PPP1R9A: variants seen among roughly 807,000 people sequenced by gnomAD.
The protein encoded by PPP1R9A is neurabin-1.
Under a neutral mutation model 141.9 loss-of-function variants are expected in PPP1R9A, and 59 were observed. The observed-to-expected ratio is 0.42, with a 90% CI of 0.34 to 0.52. PPP1R9A has a LOEUF of 0.52. Ranked by LOEUF, PPP1R9A falls within the 20% of genes least tolerant of loss-of-function variation. PPP1R9A has a pLI of 0.10. For missense variants in PPP1R9A, 1,444 were observed against 1,611.9 expected, an observed-to-expected ratio of 0.90 and a Z score of 1.78; for synonymous variants, 500 against 569.7, an observed-to-expected ratio of 0.88 and a Z score of 1.74.
chr7:95,209,073 T>C (rs1791531709), intron 7 of PPP1R9A, among the ~76,000 whole-genome samples: 2 of 151,674 alleles, frequency 1.3e-5, no homozygotes, highest in Non-Finnish European at 2.9e-5. Context: ...AAATGAGTGG[T>C]TCTGTTCCTT....
At chr7:95,101,767 A>G (rs1818826712) in intron 2 of PPP1R9A, among the ~76,000 whole-genome samples, 2 of 152,226 alleles carry the variant, frequency 1.3e-5, no homozygotes, top group Admixed American at 6.5e-5. Flanking sequence ...CTTACTATTT[A>G]TATGAACAAA....
intron 2 of PPP1R9A, among the ~76,000 whole-genome samples, chr7:95,082,916 C>G (rs1011835645): frequency 6.6e-6 from 1 of 151,364 alleles, no homozygotes; most frequent in Non-Finnish European, 1.5e-5. Context: ...CCACCACGCC[C>G]GGCTAATTTT....
At chr7:95,226,244 A>G in intron 8 of PPP1R9A, 128 bp downstream of exon 8, 4 of 923,650 alleles carry the variant, frequency 4.3e-6, no homozygotes, top group Non-Finnish European at 3.0e-6. Context: ...GGTTGTCTTG[A>G]GTCTCATTGA....
At chr7:95,228,553 T>C (rs559771588) in intron 8 of PPP1R9A, among the ~76,000 whole-genome samples, 3 of 152,320 alleles carry the variant, frequency 2.0e-5, no homozygotes, top group Admixed American at 2.0e-4. Context: ...CTGCTCCATC[T>C]TCTCATTTTT....
At chr7:95,005,462 T>C (rs2151561420) in intron 2 of PPP1R9A, among the ~76,000 whole-genome samples, 1 of 152,304 alleles carries the variant, frequency 6.6e-6, no homozygotes, top group East Asian at 1.9e-4. Flanking sequence ...TTTCAAGGCA[T>C]ATAATCACAG....
At position 95,072,136 on chromosome 7, in the gene PPP1R9A, T is replaced by A. The variant is rs148165621; in HGVS notation, c.1396-39123T>A. Reference sequence around the variant, plus strand: ...TATTCATGTTAAATCCATAATATATTAACCAAACTTCTCTTTTGTTACTTA... The same window carrying A: ...TATTCATGTTAAATCCATAATATATAAACCAAACTTCTCTTTTGTTACTTA... On this transcript the variant is annotated intron_variant, in intron 2 of 19. Coordinates refer to ENST00000433360, the MANE Select transcript of PPP1R9A (RefSeq NM_001166160.2). Among the ~76,000 whole-genome samples, 817 of 150,752 alleles carry A rather than the reference T, an allele frequency of 5.4e-3. 7 individuals carry two copies. Among genetic ancestry groups the A allele is most frequent in the African/African-American group, 0.019 (764 of 41,268 alleles).
intron 2 of PPP1R9A, among the ~76,000 whole-genome samples, chr7:95,069,759 T>C (rs1490636912): frequency 6.6e-6 from 1 of 152,100 alleles, no homozygotes; most frequent in African/African-American, 2.4e-5. Context: ...GTTTTTCTTT[T>C]TCATGAGAAT....
chr7:95,216,660 T>G (rs895375952), intron 7 of PPP1R9A, among the ~76,000 whole-genome samples: 1 of 152,170 alleles, frequency 6.6e-6, no homozygotes, highest in Non-Finnish European at 1.5e-5. Context: ...GGTTTGTAGT[T>G]CTCCTTGGGG....
chr7:95,079,304 T>G (rs1160116430), intron 2 of PPP1R9A, among the ~76,000 whole-genome samples: 1 of 152,182 alleles, frequency 6.6e-6, no homozygotes, highest in Admixed American at 6.5e-5. Flanking sequence ...ATATGCGGCA[T>G]TATTTCTGAG....
At chr7:94,943,437 G>C (rs914774505) in intron 2 of PPP1R9A, among the ~76,000 whole-genome samples, 4 of 152,166 alleles carry the variant, frequency 2.6e-5, no homozygotes, top group African/African-American at 9.7e-5. Flanking sequence ...CTGTAGAAAT[G>C]TTTATCAGTG....
chr7:95,074,209 C>A (rs923613212), intron 2 of PPP1R9A, among the ~76,000 whole-genome samples: 1 of 152,058 alleles, frequency 6.6e-6, no homozygotes, highest in Non-Finnish European at 1.5e-5. Context: ...AAAATAGAGT[C>A]ATTGTATTTA....
intron 2 of PPP1R9A, among the ~76,000 whole-genome samples, chr7:94,923,470 G>A (rs1793095150): frequency 6.6e-6 from 1 of 152,088 alleles, no homozygotes; most frequent in African/African-American, 2.4e-5. Context: ...TCATTATCTT[G>A]CTTATATATA....
intron 2 of PPP1R9A, among the ~76,000 whole-genome samples, chr7:95,093,733 C>G (rs932775622): frequency 6.6e-6 from 1 of 152,004 alleles, no homozygotes; most frequent in African/African-American, 2.4e-5. Flanking sequence ...ATACTTGATT[C>G]CTGACATAAA....
chr7:94,920,513 A>G (rs886380197), intron 2 of PPP1R9A, among the ~76,000 whole-genome samples: 8 of 152,154 alleles, frequency 5.3e-5, no homozygotes, highest in Non-Finnish European at 1.2e-4. Flanking sequence ...TGCTTACTTA[A>G]TCTATTTCAT....
At chr7:95,009,263 C>T (rs1373992577) in intron 2 of PPP1R9A, among the ~76,000 whole-genome samples, 3 of 152,132 alleles carry the variant, frequency 2.0e-5, no homozygotes, top group Non-Finnish European at 2.9e-5. Flanking sequence ...AACAAACCTG[C>T]ACGTTGTGCA....
intron 7 of PPP1R9A, among the ~76,000 whole-genome samples, chr7:95,211,546 G>C (rs1338601904): frequency 6.6e-6 from 1 of 152,122 alleles, no homozygotes; most frequent in African/African-American, 2.4e-5. Context: ...TGGCCACTCT[G>C]CTCAATAGGC....
chr7:94,990,409 T>C (rs1380660991), intron 2 of PPP1R9A, among the ~76,000 whole-genome samples: 1 of 152,116 alleles, frequency 6.6e-6, no homozygotes, highest in Admixed American at 6.5e-5. Context: ...TCGGAGTTGT[T>C]CACCATTTCT....
At chr7:95,206,381 A>G (rs1405922996) in intron 7 of PPP1R9A, among the ~76,000 whole-genome samples, 2 of 152,196 alleles carry the variant, frequency 1.3e-5, no homozygotes, top group Admixed American at 1.3e-4. Context: ...TAAATTTGAC[A>G]TAGAGTGAAA....
chr7:95,003,137 C>G (rs1028855067), intron 2 of PPP1R9A, among the ~76,000 whole-genome samples: 3 of 152,074 alleles, frequency 2.0e-5, no homozygotes, highest in African/African-American at 4.8e-5. Context: ...TTGTGTCTTT[C>G]TTTTCTTTAG....
Sources: gnomAD v4.1 joint callset for allele counts (sites outside exome capture counted in the v4.1 genomes callset) on GRCh38, gnomAD v4.1.1 for gene constraint, MANE v1.5 for transcripts, NCBI Gene and HGNC (gene_info 2026-07-23, HGNC 2026-07-21) for gene names.